MYH11: variants seen among roughly 807,000 people sequenced by gnomAD.
The protein encoded by MYH11 is myosin heavy chain 11.
In MYH11, 80 loss-of-function variants were observed where a neutral mutation model predicts 246.6. The observed-to-expected ratio is 0.32, with a 90% CI of 0.27 to 0.39. MYH11 has a LOEUF of 0.39. Ranked by LOEUF, MYH11 falls within the 10% of genes least tolerant of loss-of-function variation. The pLI is 1.00. For missense variants in MYH11, 2,158 were observed against 2,546.8 expected (o/e 0.85, Z 3.29); for synonymous variants, 1,071 against 1,015.5 (o/e 1.05, Z -1.04).
intron 2 of MYH11, among the ~76,000 whole-genome samples, chr16:15,833,782 C>A (rs1480098186): frequency 6.6e-6 from 1 of 152,124 alleles, no homozygotes; most frequent in Non-Finnish European, 1.5e-5. Context: ...TCACTACCCG[C>A]CTATTAACAA....
chr16:15,712,693 C>T (rs573525773), intron 40 of MYH11, among the ~76,000 whole-genome samples: 43 of 151,956 alleles, frequency 2.8e-4, no homozygotes, highest in African/African-American at 8.2e-4. Context: ...CCCCACAGGT[C>T]GGGGGACAAG....
chr16:15,778,876 T>G, intron 6 of MYH11, 33 bp from the exon 7 acceptor site: 1 of 1,610,374 alleles, frequency 6.2e-7, no homozygotes. Flanking sequence ...CAGGCTTTGC[T>G]GCCCAACTTC....
At chr16:15,710,531 TAAAAAG>T (rs2039721119) in intron 40 of MYH11, among the ~76,000 whole-genome samples, 2 of 151,232 alleles carry the variant, frequency 1.3e-5, no homozygotes, top group Admixed American at 1.3e-4. Context: ...AAATAAATAA[TAAAAAG>T]AAAAGAAATC....
chr16:15,823,113 T>G, intron 3 of MYH11, 142 bp downstream of exon 3: 1 of 1,231,000 alleles, frequency 8.1e-7, no homozygotes, highest in Non-Finnish European at 1.1e-6. Flanking sequence ...GATGTTCCTT[T>G]TGCTTTTTCC....
rs368633753 is a variant in MYH11 at position 15,737,511 on chromosome 16, C to G, written c.3231G>C (p.Gln1077His). 1 of 1,613,924 alleles carries G rather than the reference C, an allele frequency of 6.2e-7. No individual in the cohort carries two copies. The highest frequency in any genetic ancestry group is 8.5e-7 in the Non-Finnish European group (1 of 1,180,042). The change falls in exon 25 of 41, where the codon CAG (glutamine) becomes CAC (histidine). Residue 1077 changes from glutamine (Q) to histidine (H), a missense_variant. Physicochemically the swap from Gln to His is conservative, Grantham distance 24. Around this residue, in one of 11 missense-constraint regions of MYH11, gnomAD observed 284 missense variants for 315.4 expected, o/e 0.90. Transcript: ENST00000300036. ...CCAGCTGCATCTTGAGCTCTGCGAT[C>G]TGCGCCTGGAGGTCAGCGATCTGCT... ...FHEQIADLQA[Q>H]IAELKMQLAK...
In MYH11 at chr16:15,724,300, T is replaced by C. The variant is rs1226945220; in HGVS notation, c.4226A>G (p.Glu1409Gly). ...KEIENLTQQY[E>G]EKAAAYDKLE... ...TTTATCATAAGCGGCCGCCTTCTCC[T>C]CGTACTGCTGGGTGAGGTTCTCGAT... Residue 1409 changes from glutamate to glycine, a missense_variant, in exon 31 of 41, where the codon GAG (glutamate) becomes GGG (glycine). Coordinates refer to ENST00000300036, the MANE Select transcript of MYH11 (RefSeq NM_002474.3). 6.2e-7 allele frequency: 1 copy of C among 1,614,062 alleles called. No individual in the cohort carries two copies. Among genetic ancestry groups the C allele is most frequent in the Non-Finnish European group, 8.5e-7 (1 of 1,180,040 alleles).
At chr16:15,742,677 G>A (rs2041307865) in intron 20 of MYH11, among the ~76,000 whole-genome samples, 1 of 151,950 alleles carries the variant, frequency 6.6e-6, no homozygotes, top group Non-Finnish European at 1.5e-5. Context: ...GCTGCAGTGA[G>A]CCACGATTGT....
Position 15,793,305 on chromosome 16 carries a change from C to A in MYH11, c.530+5355G>T, listed in dbSNP as rs74963987. Among the ~76,000 whole-genome samples, 4 of 151,846 alleles carry A rather than the reference C, an allele frequency of 2.6e-5. No individual in the cohort carries two copies. The South Asian group carries it at 8.3e-4, about 32-fold the overall frequency. On this transcript the variant is annotated intron_variant, in intron 4 of 40. Transcript: ENST00000300036. ...TTGTCTTCCTTCCCTTCCTTTCCTT[C>A]CTTCCTGTCTCTGGGTCTTGCTCTG...
At chr16:15,829,856 C>T (rs187662672) in intron 2 of MYH11, among the ~76,000 whole-genome samples, 116 of 152,224 alleles carry the variant, frequency 7.6e-4, no homozygotes, top group East Asian at 3.3e-3. Flanking sequence ...CAGGGATGGC[C>T]GGGCGCAGTG....
chr16:15,718,138 A>G (rs2040265836), intron 37 of MYH11, 177 bp downstream of exon 37: 1 of 970,938 alleles, frequency 1.0e-6, no homozygotes, highest in East Asian at 2.6e-5. Flanking sequence ...TTCTGAAGAC[A>G]GCAGCCTGGG....
chr16:15,722,349 T>C (rs570751447), intron 31 of MYH11, among the ~76,000 whole-genome samples: 24 of 152,324 alleles, frequency 1.6e-4, no homozygotes, highest in African/African-American at 5.5e-4. Context: ...CCTGCACACA[T>C]ATCTCTCTGC....
rs180948416 is a variant in MYH11 at position 15,837,747 on chromosome 16, G to A, written c.345+161C>T. On this transcript the variant is annotated intron_variant, in intron 2 of 40. Coordinates refer to ENST00000300036, the MANE Select transcript of MYH11 (RefSeq NM_002474.3). ...ACGGCATTTCATCATGTTGGCCAGC[G>A]TGGTCTCGAACTTCTGACCTCAGGT... 7.2e-5 allele frequency among the ~76,000 whole-genome samples: 11 copies of A among 151,908 alleles called. No individual in the cohort carries two copies. The East Asian group carries it at 9.7e-4, about 13-fold the overall frequency.
chr16:15,752,749 T>G (rs1189091767), intron 15 of MYH11, among the ~76,000 whole-genome samples: 1 of 152,130 alleles, frequency 6.6e-6, no homozygotes, highest in Non-Finnish European at 1.5e-5. Flanking sequence ...TATGGTGGTG[T>G]GTGCCTGTAA....
chr16:15,769,330 C>T (rs1357496979), intron 9 of MYH11, among the ~76,000 whole-genome samples: 1 of 152,160 alleles, frequency 6.6e-6, no homozygotes, highest in Admixed American at 6.5e-5. Context: ...CAAAACAAAA[C>T]AAAAACCCTA....
At chr16:15,746,954 G>C (rs1164238910) in intron 19 of MYH11, among the ~76,000 whole-genome samples, 1 of 152,086 alleles carries the variant, frequency 6.6e-6, no homozygotes, top group Non-Finnish European at 1.5e-5. Context: ...CCAGTGTGGT[G>C]GTGGGCGCCT....
chr16:15,785,008 A>ATT (rs398028825), intron 5 of MYH11: 131 of 97,870 alleles, frequency 1.3e-3, no homozygotes, highest in Middle Eastern at 6.8e-3. Context: ...AATTCTCTTG[A>ATT]TTTTTTTTTT....
At chr16:15,708,027 G>A (rs1273331833) in intron 40 of MYH11, among the ~76,000 whole-genome samples, 2 of 150,898 alleles carry the variant, frequency 1.3e-5, no homozygotes, top group Admixed American at 1.3e-4. Context: ...CTTGGGAAGG[G>A]CCCTGTGTGC....
intron 1 of MYH11, among the ~76,000 whole-genome samples, chr16:15,855,850 T>C (rs2044453101): frequency 2.0e-5 from 3 of 152,262 alleles, no homozygotes; most frequent in African/African-American, 7.2e-5. Flanking sequence ...GCATTCTTTT[T>C]GCCAAACCCC....
At position 15,719,299 on chromosome 16, in the gene MYH11, C is replaced by T. The variant is rs187172581; in HGVS notation, c.5092G>A (p.Ala1698Thr). The stretch of plus-strand genomic sequence containing the variant: ...GCTTGTTTGCGAGCCCTCTCAGCGG[C>T]GGCGAGGTCCTAGGTGGGAGGGAGG... ...DLMQLQEDLAAAERARKQADL... is the reference protein window; with the variant it reads ...DLMQLQEDLATAERARKQADL... Residue 1698 changes from alanine (A) to threonine (T), a missense_variant, in exon 36 of 41, where the codon GCC (alanine) becomes ACC (threonine). Transcript: ENST00000300036. The T allele has an allele frequency of 6.3e-5, 101 of 1,611,292 alleles. 1 individual carries two copies. In the East Asian group the frequency reaches 1.6e-3, roughly 26 times the overall value.
Sources: gnomAD v4.1 joint callset for allele counts (sites outside exome capture counted in the v4.1 genomes callset) on GRCh38, gnomAD v4.1.1 for gene constraint, gnomAD v4.1.1 regional missense constraint, MANE v1.5 for transcripts, NCBI Gene and HGNC (gene_info 2026-07-23, HGNC 2026-07-21) for gene names.